Variants in FRRS1L observed in about 807,000 individuals in gnomAD.
The protein encoded by FRRS1L is DOMON domain-containing protein FRRS1L.
FRRS1L carries 22 observed loss-of-function variants against 28.6 expected under a neutral mutation model. That is an observed-to-expected ratio of 0.77 (90% CI 0.55 to 1.10). FRRS1L has a LOEUF of 1.10. FRRS1L is among the 50% of genes least tolerant of loss of function. The pLI is 0.00. For synonymous variants in FRRS1L, 158 were observed against 151.4 expected, an observed-to-expected ratio of 1.04 and a Z score of -0.32; for missense variants, 380 against 386.9, an observed-to-expected ratio of 0.98 and a Z score of 0.15.
At position 109,134,618 on chromosome 9, in the gene FRRS1L, A is replaced by G. The variant is rs1166140297; in HGVS notation, c.*2837T>C. 6.6e-6 allele frequency: 1 copy of G among 152,232 alleles called. No individual in the cohort carries two copies. Among genetic ancestry groups the G allele is most frequent in the Non-Finnish European group, 1.5e-5 (1 of 68,042 alleles). The allele number at this position is 152,232 out of a possible 1,614,324, so 9.4% of individuals were successfully genotyped here. On this transcript the variant is annotated 3_prime_UTR_variant, in exon 5 of 5. Transcript: ENST00000561981. The stretch of plus-strand genomic sequence containing the variant: ...CTTGCATTTTACCTTAATGGCACTG[A>G]GAAGTCATTGAAAGTTCTAAGCATA...
intron 4 of FRRS1L, chr9:109,141,056 C>T (rs924358536): frequency 6.6e-6 from 3 of 455,750 alleles, no homozygotes; most frequent in Non-Finnish European, 8.0e-6. Context: ...CAGAGCCCTA[C>T]ATACAGCAGA....
intron 3 of FRRS1L, among the ~76,000 whole-genome samples, chr9:109,143,102 G>A (rs1204162756): frequency 6.6e-6 from 1 of 152,088 alleles, no homozygotes; most frequent in Non-Finnish European, 1.5e-5. Context: ...ACCACTTGAG[G>A]TCAGGAGTTC....
At chr9:109,155,703 C>CAAAAAAAA (rs539557102) in intron 1 of FRRS1L, among the ~76,000 whole-genome samples, 1 of 81,036 alleles carries the variant, frequency 1.2e-5, no homozygotes, top group African/African-American at 4.9e-5. Context: ...GACTCCATCT[C>CAAAAAAAA]AAAAAAAAAA....
chr9:109,165,061 A>T (rs1831531352), intron 1 of FRRS1L, among the ~76,000 whole-genome samples: 1 of 152,252 alleles, frequency 6.6e-6, no homozygotes, highest in East Asian at 1.9e-4. Context: ...GCCCAATCAG[A>T]ATACAAGTTC....
chr9:109,148,989 CA>C (rs1831296270), intron 2 of FRRS1L, among the ~76,000 whole-genome samples: 1 of 152,110 alleles, frequency 6.6e-6, no homozygotes, highest in Non-Finnish European at 1.5e-5. Flanking sequence ...GTACAGTGAC[CA>C]TCAAAACTTT....
In FRRS1L at chr9:109,135,848, A is replaced by T. The variant is rs538195931; in HGVS notation, c.*1607T>A. The T allele has an allele frequency of 1.3e-5, 2 of 152,300 alleles. No homozygotes were observed. Among genetic ancestry groups the T allele is most frequent in the Admixed American group, 1.3e-4 (2 of 15,294 alleles). The allele number at this position is 152,300 out of a possible 1,614,324, so 9.4% of individuals were successfully genotyped here. A position where few individuals can be genotyped will look rare whatever the true frequency, so the allele number is the denominator to read the frequency against. On this transcript the variant is annotated 3_prime_UTR_variant, in exon 5 of 5. Transcript: ENST00000561981. The stretch of plus-strand genomic sequence containing the variant: ...TTTTAAAAAGCCACCTCATAAAAAA[A>T]ATTCTACTCAAAATCTCTACAGTCT...
chr9:109,166,960 T>C lies in FRRS1L; in HGVS notation c.179A>G (p.Asp60Gly). The C allele has an allele frequency of 7.5e-7, 1 of 1,334,820 alleles. No individual in the cohort carries two copies. Among genetic ancestry groups the C allele is most frequent in the Non-Finnish European group, 9.7e-7 (1 of 1,035,398 alleles). The allele number at this position is 1,334,820 out of a possible 1,614,324, so 82.7% of individuals were successfully genotyped here. ...CCCCGCGAAGGTGCCGTAGGAGGAG[T>C]CGTGGCGCGGCACCGCCTCGTCGGC... ...TGADEAVPRH[D>G]SSYGTFAGEF... The change falls in exon 1 of 5, where the codon GAC becomes GGC. Residue 60 changes from aspartate (D) to glycine (G), a missense_variant. Coordinates refer to ENST00000561981, the MANE Select transcript of FRRS1L (RefSeq NM_014334.4).
In FRRS1L at chr9:109,162,742, T is replaced by TTA. The variant is rs576065891; in HGVS notation, c.238+4157_238+4158dup. On this transcript the variant is annotated intron_variant, in intron 1 of 4. Transcript: ENST00000561981. ...ACTTCCAGATTAGTAGAGTGGTAAG[T>TTA]TATATATCCACATACCGTCCAAGGT... 3.3e-5 allele frequency among the ~76,000 whole-genome samples: 5 copies of TTA among 152,346 alleles called. No homozygotes were observed. The South Asian group carries it at 1.0e-3, about 32-fold the overall frequency.
At chr9:109,157,380 C>G (rs998447688) in intron 1 of FRRS1L, among the ~76,000 whole-genome samples, 1 of 151,906 alleles carries the variant, frequency 6.6e-6, no homozygotes, top group Non-Finnish European at 1.5e-5. Context: ...TTGAAACTAT[C>G]TATATATTTT....
rs1226959490 is a variant in FRRS1L at position 109,133,920 on chromosome 9, T to TCAG, written c.*3532_*3534dup. The TCAG allele has an allele frequency of 6.6e-6, 1 of 152,230 alleles. No homozygotes were observed. The highest frequency in any genetic ancestry group is 1.5e-5 in the Non-Finnish European group (1 of 68,032). The allele number at this position is 152,230 out of a possible 1,614,324, so 9.4% of individuals were successfully genotyped here. Reference sequence around the variant, plus strand: ...AACTGAAGTTTTTGGAATTATCACTTCAGCATGTCTATCGACTGCTAGTTC... The same window carrying TCAG: ...AACTGAAGTTTTTGGAATTATCACTTCAGCAGCATGTCTATCGACTGCTAGTTC... On this transcript the variant is annotated 3_prime_UTR_variant, in exon 5 of 5. Coordinates refer to ENST00000561981, the MANE Select transcript of FRRS1L (RefSeq NM_014334.4).
rs987391352 is a variant in FRRS1L at position 109,130,826 on chromosome 9, G to A, written c.*6629C>T. Reference sequence around the variant, plus strand: ...ATGTGATGAAACAGGTAGGATTCTAGTGACCTGGGTGAATGCTACACCCAC... The same window carrying A: ...ATGTGATGAAACAGGTAGGATTCTAATGACCTGGGTGAATGCTACACCCAC... On this transcript the variant is annotated 3_prime_UTR_variant, in exon 5 of 5. Coordinates refer to ENST00000561981, the MANE Select transcript of FRRS1L (RefSeq NM_014334.4). The A allele has an allele frequency of 6.6e-6, 1 of 152,226 alleles. No homozygotes were observed. Among genetic ancestry groups the A allele is most frequent in the African/African-American group, 2.4e-5 (1 of 41,450 alleles). 9.4% of individuals were successfully genotyped at this position (152,226 alleles called of 1,614,324 possible). A position where few individuals can be genotyped will look rare whatever the true frequency, so the allele number is the denominator to read the frequency against.
intron 3 of FRRS1L, 88 bp from the exon 4 acceptor site, chr9:109,141,677 G>T: frequency 7.1e-7 from 1 of 1,403,328 alleles, no homozygotes. Context: ...CATCATCTCT[G>T]CAATTTGAAA....
chr9:109,156,491 C>T (rs752725562), intron 1 of FRRS1L, among the ~76,000 whole-genome samples: 3 of 152,082 alleles, frequency 2.0e-5, no homozygotes, highest in Admixed American at 1.3e-4. Flanking sequence ...CGGGTTCAAG[C>T]GATTCTCCTG....
rs1169836038 is a variant in FRRS1L at position 109,134,359 on chromosome 9, T to C, written c.*3096A>G. On this transcript the variant is annotated 3_prime_UTR_variant, in exon 5 of 5. Coordinates refer to ENST00000561981, the MANE Select transcript of FRRS1L (RefSeq NM_014334.4). ...GTTGATGAGGAAGCCCAATGTGCTATGGGAGCATTTGATGGGGGCCTGGAC... is the reference window on the plus strand; with the variant it reads ...GTTGATGAGGAAGCCCAATGTGCTACGGGAGCATTTGATGGGGGCCTGGAC... 1 of 152,254 alleles carries C rather than the reference T, an allele frequency of 6.6e-6. No homozygotes were observed. The highest frequency in any genetic ancestry group is 2.4e-5 in the African/African-American group (1 of 41,448). 9.4% of individuals were successfully genotyped at this position (152,254 alleles called of 1,614,324 possible). A position where few individuals can be genotyped will look rare whatever the true frequency, so the allele number is the denominator to read the frequency against.
intron 1 of FRRS1L, among the ~76,000 whole-genome samples, chr9:109,158,189 T>A (rs905406315): frequency 2.6e-5 from 4 of 152,194 alleles, no homozygotes; most frequent in East Asian, 1.9e-4. Flanking sequence ...GGGTAAAAAA[T>A]TTTTCAGTTT....
intron 2 of FRRS1L, among the ~76,000 whole-genome samples, chr9:109,149,356 C>T (rs997065042): frequency 6.6e-6 from 1 of 152,234 alleles, no homozygotes; most frequent in Non-Finnish European, 1.5e-5. Context: ...TCACATGAGT[C>T]TTCTGCATAT....
rs1404678950 is a variant in FRRS1L at position 109,131,963 on chromosome 9, A to ATTTTC, written c.*5491_*5492insGAAAA. ...CAGATTTTGATACAACTTTTATTTTATTTTATTTTATTTTATTTATTTATT... is the reference window on the plus strand; with the variant it reads ...CAGATTTTGATACAACTTTTATTTTATTTTCTTTTATTTTATTTTATTTATTTATT... On this transcript the variant is annotated 3_prime_UTR_variant, in exon 5 of 5. Coordinates refer to ENST00000561981, the MANE Select transcript of FRRS1L (RefSeq NM_014334.4). 2.3e-5 allele frequency: 3 copies of ATTTTC among 129,750 alleles called. No homozygotes were observed. The highest frequency in any genetic ancestry group is 3.4e-5 in the Non-Finnish European group (2 of 58,118). 8.0% of individuals were successfully genotyped at this position (129,750 alleles called of 1,614,324 possible). A position where few individuals can be genotyped will look rare whatever the true frequency, so the allele number is the denominator to read the frequency against.
intron 1 of FRRS1L, among the ~76,000 whole-genome samples, chr9:109,160,954 G>A (rs1465697890): frequency 1.3e-5 from 2 of 151,832 alleles, no homozygotes; most frequent in Admixed American, 6.6e-5. Flanking sequence ...CATCATGCCC[G>A]GCTAATTTTT....
rs761439057 is a variant in FRRS1L, at chr9:109,167,029, G to A, written c.110C>T (p.Pro37Leu). 16 of 1,207,164 alleles carry A rather than the reference G, an allele frequency of 1.3e-5. No individual in the cohort carries two copies. The South Asian group carries it at 6.0e-4, about 45-fold the overall frequency. 74.8% of individuals were successfully genotyped at this position (1,207,164 alleles called of 1,614,324 possible). A position where few individuals can be genotyped will look rare whatever the true frequency, so the allele number is the denominator to read the frequency against. The change falls in exon 1 of 5, where the codon CCG becomes CTG. Residue 37 changes from proline (P) to leucine (L), a missense_variant. By Grantham distance (98) the Pro-to-Leu change is moderately conservative. Coordinates refer to ENST00000561981, the MANE Select transcript of FRRS1L (RefSeq NM_014334.4). Reference sequence around the variant, plus strand: ...GCGTCCCCGGGGTCCCCGGCCCCCCGGGCCCGCACCGTCGTCCGCGGGGCT... The same window carrying A: ...GCGTCCCCGGGGTCCCCGGCCCCCCAGGCCCGCACCGTCGTCCGCGGGGCT... ...AASPADDGAGPGGRGPRGRAR... is the reference protein window; with the variant it reads ...AASPADDGAGLGGRGPRGRAR...
Sources: allele counts gnomAD v4.1 joint callset (sites outside exome capture counted in the v4.1 genomes callset), GRCh38; gene constraint gnomAD v4.1.1; transcripts MANE v1.5; gene names NCBI Gene and HGNC (gene_info 2026-07-23, HGNC 2026-07-21).